Variants in RNF212 observed in about 807,000 individuals in gnomAD.
RNF212 encodes ring finger protein 212.
Under a neutral mutation model 34.7 loss-of-function variants are expected in RNF212, and 33 were observed. The observed-to-expected ratio is 0.95, with a 90% CI of 0.72 to 1.27. The LOEUF is 1.27. RNF212 is among the 50% of genes most tolerant of loss of function. The probability of loss-of-function intolerance (pLI) is 0.00; values close to 1 mark genes in which losing one functional copy is unlikely to be tolerated. For missense variants in RNF212, 377 were observed against 362.2 expected (o/e 1.04, Z -0.33); for synonymous variants, 140 against 136.1 (o/e 1.03, Z -0.20).
chr4:1,090,158 T>G (rs1216998317), intron 4 of RNF212, among the ~76,000 whole-genome samples: 12 of 94,552 alleles, frequency 1.3e-4, no homozygotes, highest in Admixed American at 2.5e-4. Flanking sequence ...GGTGACAGGA[T>G]GGGGTGAGGG....
At chr4:1,108,496 A>G in intron 1 of RNF212, 92 bp from the exon 2 acceptor site, 1 of 614,062 alleles carries the variant, frequency 1.6e-6, no homozygotes, top group Non-Finnish European at 2.6e-6. Context: ...TCCAAGAAAT[A>G]GGCAGGATTG....
At chr4:1,087,585 G>A (rs1478031958) in intron 4 of RNF212, among the ~76,000 whole-genome samples, 1 of 150,628 alleles carries the variant, frequency 6.6e-6, no homozygotes, top group Non-Finnish European at 1.5e-5. Context: ...GGAGCAGGGA[G>A]TGGGTAATAG....
chr4:1,101,164 G>A (rs930779649), intron 2 of RNF212: 14 of 190,772 alleles, frequency 7.3e-5, no homozygotes, highest in African/African-American at 2.8e-4. Context: ...GAGTGACTGC[G>A]ACCCCTAGAC....
chr4:1,107,032 T>G (rs978956347), intron 2 of RNF212, among the ~76,000 whole-genome samples: 2 of 152,002 alleles, frequency 1.3e-5, no homozygotes, highest in Admixed American at 1.3e-4. Flanking sequence ...GTGCCCAAAA[T>G]ATAATGTCAA....
At position 1,113,559 on chromosome 4, in the gene RNF212, C is replaced by G; in HGVS notation, c.-95G>C. ...CCGCGCAGGGCCCGAAGGCGGGCAG[C>G]TCTGCGCCTGCGCAAAGTCGACGGC... On this transcript the variant is annotated 5_prime_UTR_variant, in exon 1 of 10. Coordinates refer to ENST00000433731, the MANE Select transcript of RNF212 (RefSeq NM_001131034.4). 2 of 998,392 alleles carry G rather than the reference C, an allele frequency of 2.0e-6. No homozygotes were observed. The highest frequency in any genetic ancestry group is 1.6e-5 in the South Asian group (1 of 60,612). 61.8% of individuals were successfully genotyped at this position (998,392 alleles called of 1,614,324 possible).
chr4:1,058,039 C>T (rs921990466), intron 4 of RNF212, among the ~76,000 whole-genome samples: 1 of 143,322 alleles, frequency 7.0e-6, no homozygotes, highest in African/African-American at 2.7e-5. Flanking sequence ...CCAGCCTGGG[C>T]AACAAAGAGT....
downstream of RNF212, among the ~76,000 whole-genome samples, chr4:1,070,972 T>C (rs993341571): frequency 5.9e-5 from 9 of 152,098 alleles, no homozygotes; most frequent in African/African-American, 2.2e-4. Context: ...TTTTTTTAAA[T>C]ACTGTTCTTA....
intron 3 of RNF212, among the ~76,000 whole-genome samples, chr4:1,058,993 G>A (rs1013135106): frequency 1.1e-4 from 17 of 152,342 alleles, no homozygotes; most frequent in Middle Eastern, 3.4e-3. Flanking sequence ...TTCTCCAGGC[G>A]CCTTGTAACA....
intron 3 of RNF212, among the ~76,000 whole-genome samples, chr4:1,065,760 C>G (rs1281438653): frequency 6.6e-6 from 1 of 151,742 alleles, no homozygotes; most frequent in Non-Finnish European, 1.5e-5. Flanking sequence ...CTAGTTTTGG[C>G]ATTTTTAGTA....
Position 1,077,303 on chromosome 4 carries a change from G to A in RNF212, c.510+2340C>T, listed in dbSNP as rs370993216. 3.5e-4 allele frequency among the ~76,000 whole-genome samples: 54 copies of A among 152,314 alleles called. No individual in the cohort carries two copies. The South Asian group carries it at 0.011, about 30-fold the overall frequency. On this transcript the variant is annotated intron_variant, in intron 8 of 9. Coordinates refer to ENST00000433731, the MANE Select transcript of RNF212 (RefSeq NM_001131034.4). The stretch of plus-strand genomic sequence containing the variant: ...ATGTCTGGTCTTTGCCCCTCACTTA[G>A]GAACTTTGATTCATTACATTCTGGT...
chr4:1,092,836 T>G (rs752317286), intron 3 of RNF212, among the ~76,000 whole-genome samples: 2 of 152,150 alleles, frequency 1.3e-5, no homozygotes, highest in Non-Finnish European at 2.9e-5. Flanking sequence ...CGGGGGAGAA[T>G]GCAGGTCACT....
In RNF212 at chr4:1,107,616, A is replaced by AT. The variant is rs557327981; in HGVS notation, c.171+726dup. 8.1e-3 allele frequency among the ~76,000 whole-genome samples: 1,226 copies of AT among 151,418 alleles called. 4 individuals carry two copies. Among genetic ancestry groups the AT allele is most frequent in the Non-Finnish European group, 0.013 (907 of 67,814 alleles). ...AGGCGCCCACCACCACGCCCAACTA[A>AT]TTTTTTTGTATTTTTAGTAGAGATG... On this transcript the variant is annotated intron_variant, in intron 2 of 9. Coordinates refer to ENST00000433731, the MANE Select transcript of RNF212 (RefSeq NM_001131034.4).
Position 1,096,690 on chromosome 4 carries a change from C to G in RNF212, c.246+75G>C, listed in dbSNP as rs1362796124. Reference sequence around the variant, plus strand: ...CTGGCTCATCACAGAACCAAGCACACCCCTCATAGCTCCATGGTCTCGGGA... The same window carrying G: ...CTGGCTCATCACAGAACCAAGCACAGCCCTCATAGCTCCATGGTCTCGGGA... On this transcript the variant is annotated intron_variant, in intron 3 of 9. Coordinates refer to ENST00000433731, the MANE Select transcript of RNF212 (RefSeq NM_001131034.4). 2.2e-6 allele frequency: 2 copies of G among 930,146 alleles called. 1 individual carries two copies. The highest frequency in any genetic ancestry group is 3.4e-6 in the Non-Finnish European group (2 of 587,712). 57.6% of individuals were successfully genotyped at this position (930,146 alleles called of 1,614,324 possible).
At chr4:1,065,043 A>C (rs1317065011) in intron 3 of RNF212, among the ~76,000 whole-genome samples, 1 of 152,248 alleles carries the variant, frequency 6.6e-6, no homozygotes, top group Admixed American at 6.5e-5. Flanking sequence ...CATTCATCTG[A>C]TGGATACTTA....
In RNF212 at chr4:1,093,826, T is replaced by G. The variant is rs750699574; in HGVS notation, c.246+2939A>C. On this transcript the variant is annotated intron_variant, in intron 3 of 9. Transcript: ENST00000433731. ...GGTGAGGTGCGTCCTGGATGGTGTT[T>G]CCCTGGGCCTCTGGCTGGCTCTGGG... 2.9e-5 allele frequency: 45 copies of G among 1,536,270 alleles called. No homozygotes were observed. In the South Asian group the frequency reaches 4.4e-4, roughly 15 times the overall value.
chr4:1,061,729 G>A (rs1223167657), intron 3 of RNF212, among the ~76,000 whole-genome samples: 5 of 152,156 alleles, frequency 3.3e-5, no homozygotes, highest in Non-Finnish European at 5.9e-5. Context: ...AACCATGAGC[G>A]GACACATCTG....
chr4:1,089,674 G>T (rs1228964700), intron 4 of RNF212, among the ~76,000 whole-genome samples: 1 of 151,726 alleles, frequency 6.6e-6, no homozygotes, highest in Non-Finnish European at 1.5e-5. Flanking sequence ...GTCCCCATGT[G>T]TCAAGGGAGG....
intron 8 of RNF212, among the ~76,000 whole-genome samples, chr4:1,077,382 C>G (rs1719494208): frequency 6.6e-6 from 1 of 152,186 alleles, no homozygotes; most frequent in African/African-American, 2.4e-5. Flanking sequence ...ATCAATTTAG[C>G]CTGCCAGTCT....
intron 2 of RNF212, among the ~76,000 whole-genome samples, chr4:1,107,942 G>A (rs528149645): frequency 1.3e-5 from 2 of 152,318 alleles, no homozygotes; most frequent in South Asian, 4.1e-4. Context: ...ATTTTATAGA[G>A]AGAACAAAAG....
Sources: allele counts gnomAD v4.1 joint callset (sites outside exome capture counted in the v4.1 genomes callset), GRCh38; gene constraint gnomAD v4.1.1; transcripts MANE v1.5; gene names NCBI Gene and HGNC (gene_info 2026-07-23, HGNC 2026-07-21).